The following ERG variants were observed in gnomAD, a reference collection of about 807,000 sequenced individuals.
The protein encoded by ERG is ETS transcription factor ERG.
A neutral mutation model predicts 55.3 loss-of-function variants in ERG; 9 were observed. The ratio of observed to expected loss-of-function variants is 0.16; its 90% CI spans 0.10 to 0.28. The LOEUF (loss-of-function observed/expected upper bound fraction) is 0.28. Ranked by LOEUF, ERG falls within the 10% of genes least tolerant of loss-of-function variation. The probability of loss-of-function intolerance (pLI) is 1.00; values close to 1 mark genes in which losing one functional copy is unlikely to be tolerated. For missense variants in ERG, 434 were observed against 631.6 expected, an observed-to-expected ratio of 0.69 and a Z score of 3.35; for synonymous variants, 223 against 237.3, an observed-to-expected ratio of 0.94 and a Z score of 0.55.
chr21:38,543,968 G>C (rs1398658193), intron 2 of ERG, among the ~76,000 whole-genome samples: 2 of 152,122 alleles, frequency 1.3e-5, no homozygotes, highest in African/African-American at 4.8e-5. Context: ...TCAAACTTCT[G>C]ACCTCAAGTG....
chr21:38,406,386 G>A (rs1054675003), intron 3 of ERG, among the ~76,000 whole-genome samples: 2 of 152,112 alleles, frequency 1.3e-5, no homozygotes, highest in Admixed American at 6.5e-5. Context: ...ATGACTCTTC[G>A]TCATTGGCTG....
intron 2 of ERG, among the ~76,000 whole-genome samples, chr21:38,521,046 C>T (rs1306534238): frequency 6.6e-6 from 1 of 152,020 alleles, no homozygotes; most frequent in Non-Finnish European, 1.5e-5. Flanking sequence ...AAATAAAAGC[C>T]AAGATTAAAG....
rs147793110 is a variant in ERG at position 38,547,534 on chromosome 21, A to T, written c.-41+28128T>A. Among the ~76,000 whole-genome samples the T allele has an allele frequency of 3.3e-5, 5 of 152,328 alleles. No homozygotes were observed. In the East Asian group the frequency reaches 9.6e-4, roughly 29 times the overall value. On this transcript the variant is annotated intron_variant, in intron 2 of 8. Transcript: ENST00000398897. ...GGTAAAGCAAGGAAAGGAAAAGATG[A>T]ACAGTGACCTGCAAATCATTAAAGA...
chr21:38,527,819 C>T (rs2059640927), intron 2 of ERG, among the ~76,000 whole-genome samples: 1 of 149,204 alleles, frequency 6.7e-6, no homozygotes, highest in Admixed American at 6.6e-5. Flanking sequence ...CTGTATGTGG[C>T]TGTCTTCAAA....
At chr21:38,613,943 T>C (rs1365097708) in intron 1 of ERG, among the ~76,000 whole-genome samples, 2 of 152,142 alleles carry the variant, frequency 1.3e-5, no homozygotes, top group African/African-American at 4.8e-5. Context: ...GCCTCATCCC[T>C]TGCATCCCAC....
intron 2 of ERG, among the ~76,000 whole-genome samples, chr21:38,550,895 G>A (rs886135629): frequency 2.6e-5 from 4 of 152,164 alleles, no homozygotes; most frequent in African/African-American, 7.2e-5. Flanking sequence ...ATTGACAGAC[G>A]ATTAATGGAT....
At chr21:38,409,457 G>A (rs1020095437) in intron 3 of ERG, among the ~76,000 whole-genome samples, 1 of 136,834 alleles carries the variant, frequency 7.3e-6, no homozygotes, top group African/African-American at 2.7e-5. Flanking sequence ...CACTCCAGAA[G>A]CCTGGGCAAC....
intron 2 of ERG, among the ~76,000 whole-genome samples, chr21:38,510,267 C>T (rs149184245): frequency 6.8e-4 from 103 of 152,368 alleles, no homozygotes; most frequent in African/African-American, 2.3e-3. Flanking sequence ...ACACCCAAAA[C>T]TCACCTCCCA....
chr21:38,432,113 G>A (rs1990240777), intron 2 of ERG, among the ~76,000 whole-genome samples: 2 of 152,148 alleles, frequency 1.3e-5, no homozygotes, highest in Admixed American at 1.3e-4. Context: ...TGTTTTTTAA[G>A]AGACAGGGTC....
intron 1 of ERG, among the ~76,000 whole-genome samples, chr21:38,603,348 C>T (rs1003236256): frequency 2.6e-5 from 4 of 152,038 alleles, no homozygotes; most frequent in African/African-American, 4.8e-5. Flanking sequence ...GGGCCAGGCA[C>T]GGTGGCTCAC....
chr21:38,396,973 T>A (rs752857380), intron 6 of ERG, among the ~76,000 whole-genome samples: 38 of 152,186 alleles, frequency 2.5e-4, no homozygotes, highest in Non-Finnish European at 4.4e-4. Flanking sequence ...GATATGCCTA[T>A]GGGTTGATAC....
the ERG span, among the ~76,000 whole-genome samples, chr21:38,370,794 T>C: frequency 1.1e-4 from 16 of 152,222 alleles, no homozygotes; most frequent in African/African-American, 3.4e-4. Flanking sequence ...GAGCCATCCA[T>C]ACTGTTATTC....
chr21:38,408,144 T>C (rs994335557), intron 3 of ERG, among the ~76,000 whole-genome samples: 6 of 152,126 alleles, frequency 3.9e-5, no homozygotes, highest in Non-Finnish European at 5.9e-5. Flanking sequence ...AAACAAAACA[T>C]GGCCACTCGG....
At chr21:38,638,585 T>G (rs901196526) in intron 1 of ERG, among the ~76,000 whole-genome samples, 1 of 152,082 alleles carries the variant, frequency 6.6e-6, no homozygotes, top group Non-Finnish European at 1.5e-5. Context: ...TTTGCAAAAT[T>G]TGGAAGATGG....
chr21:38,583,627 C>T (rs944415498), intron 1 of ERG, among the ~76,000 whole-genome samples: 4 of 152,220 alleles, frequency 2.6e-5, no homozygotes, highest in East Asian at 3.9e-4. Flanking sequence ...AGTACTAACC[C>T]CCGGTCCCTC....
chr21:38,424,730 C>T (rs1989739687), intron 2 of ERG, among the ~76,000 whole-genome samples: 1 of 152,190 alleles, frequency 6.6e-6, no homozygotes, highest in East Asian at 1.9e-4. Flanking sequence ...TGCAGCCAAT[C>T]TTTACATATG....
chr21:38,434,075 C>T (rs1990350902), intron 2 of ERG, among the ~76,000 whole-genome samples: 1 of 152,164 alleles, frequency 6.6e-6, no homozygotes, highest in Admixed American at 6.5e-5. Flanking sequence ...CAACCTAACC[C>T]CCATCATGGC....
chr21:38,504,122 C>G (rs2059442592), intron 2 of ERG, among the ~76,000 whole-genome samples: 1 of 152,270 alleles, frequency 6.6e-6, no homozygotes, highest in East Asian at 1.9e-4. Context: ...TGTTTCAACA[C>G]TTTCTCTAAG....
At chr21:38,444,680 A>G (rs1193526805) in intron 2 of ERG, among the ~76,000 whole-genome samples, 2 of 151,180 alleles carry the variant, frequency 1.3e-5, no homozygotes, top group Non-Finnish European at 2.9e-5. Context: ...GAAGCTAATA[A>G]TTATGGGAGA....
Sources: allele counts gnomAD v4.1 joint callset (sites outside exome capture counted in the v4.1 genomes callset), GRCh38; gene constraint gnomAD v4.1.1; transcripts MANE v1.5; gene names NCBI Gene and HGNC (gene_info 2026-07-23, HGNC 2026-07-21).